The following ACSM3 variants were observed in gnomAD, a reference collection of about 807,000 sequenced individuals.
ACSM3 encodes the protein acyl-CoA synthetase medium chain family member 3, also known as acyl-coenzyme A synthetase ACSM3, mitochondrial.
Under a neutral mutation model 74.1 loss-of-function variants are expected in ACSM3, and 61 were observed. That is an observed-to-expected ratio of 0.82 (90% CI 0.67 to 1.02). The LOEUF (loss-of-function observed/expected upper bound fraction) is 1.02. ACSM3 is among the 50% of genes least tolerant of loss of function. The pLI, the probability that ACSM3 is intolerant of heterozygous loss-of-function variation, is 0.00. For synonymous variants in ACSM3, 213 were observed against 241.5 expected (o/e 0.88, Z 1.09); for missense variants, 660 against 697.0 (o/e 0.95, Z 0.60).
chr16:20,741,844 C>T, intron 1 of ACSM3: 3 of 1,536,996 alleles, frequency 2.0e-6, no homozygotes, highest in Non-Finnish European at 2.6e-6. Context: ...CGACGGCCTC[C>T]CCTAGCCGGC....
chr16:20,674,731 G>T (rs553016244), exon 1 of ACSM3: 1 of 152,284 alleles, frequency 6.6e-6, no homozygotes, highest in Non-Finnish European at 1.5e-5. Context: ...AGTTTCACCC[G>T]GATGGAGACT....
intron 1 of ACSM3, among the ~76,000 whole-genome samples, chr16:20,699,833 T>G (rs2079708454): frequency 6.6e-6 from 1 of 152,122 alleles, no homozygotes; most frequent in African/African-American, 2.4e-5. Context: ...TTTCCTCAAT[T>G]TTCTCATCTT....
intron 1 of ACSM3, chr16:20,680,001 AAG>A (rs2079406044): frequency 6.6e-6 from 1 of 152,216 alleles, no homozygotes; most frequent in Admixed American, 6.5e-5. Context: ...GGTGTAACAC[AAG>A]AGAGGCTTAG....
Position 20,797,548 on chromosome 16 carries a change from T to A in ACSM3, c.*576T>A. 1 of 1,231,822 alleles carries A rather than the reference T, an allele frequency of 8.1e-7. No homozygotes were observed. Among genetic ancestry groups the A allele is most frequent in the Non-Finnish European group, 1.0e-6 (1 of 985,440 alleles). The allele number at this position is 1,231,822 out of a possible 1,614,324, so 76.3% of individuals were successfully genotyped here. A position where few individuals can be genotyped will look rare whatever the true frequency, so the allele number is the denominator to read the frequency against. On this transcript the variant is annotated 3_prime_UTR_variant, in exon 14 of 14. Transcript: ENST00000289416. Reference sequence around the variant, plus strand: ...AGGATCATATACTATTGTTGCTTATTATATGTAATCTAATAAATACTGTTT... The same window carrying A: ...AGGATCATATACTATTGTTGCTTATAATATGTAATCTAATAAATACTGTTT...
At chr16:20,780,345 C>T in intron 4 of ACSM3, 1 of 385,632 alleles carries the variant, frequency 2.6e-6, no homozygotes, top group Non-Finnish European at 4.7e-6. Context: ...TTAAAGCATC[C>T]ATAGGGGAGG....
chr16:20,750,476 C>G (rs1031917230), intron 2 of ACSM3, among the ~76,000 whole-genome samples: 2 of 152,162 alleles, frequency 1.3e-5, no homozygotes, highest in Non-Finnish European at 2.9e-5. Context: ...ACACCCCCCT[C>G]TCTCTCGTTT....
At chr16:20,678,924 C>A (rs527724237) in intron 1 of ACSM3, among the ~76,000 whole-genome samples, 24 of 152,212 alleles carry the variant, frequency 1.6e-4, no homozygotes, top group African/African-American at 5.8e-4. Context: ...CGGCCACCCC[C>A]CATCATCTGT....
intron 1 of ACSM3, among the ~76,000 whole-genome samples, chr16:20,701,857 G>A (rs184673326): frequency 1.3e-5 from 2 of 152,184 alleles, no homozygotes; most frequent in Admixed American, 6.5e-5. Flanking sequence ...CCATGTCCCT[G>A]CAAAGGACAT....
intron 12 of ACSM3, chr16:20,796,017 A>C (rs1323320518): frequency 1.2e-5 from 2 of 171,838 alleles, no homozygotes; most frequent in Non-Finnish European, 2.5e-5. Flanking sequence ...AGAGCAACAA[A>C]AAAATAGCTG....
At chr16:20,778,664 T>C (rs775250136) in intron 4 of ACSM3, among the ~76,000 whole-genome samples, 20 of 152,324 alleles carry the variant, frequency 1.3e-4, no homozygotes, top group Non-Finnish European at 2.5e-4. Flanking sequence ...CTGTATGTAC[T>C]GCCTCTAGTA....
intron 1 of ACSM3, among the ~76,000 whole-genome samples, chr16:20,717,956 G>GAAGAAGAA (rs2079769244): frequency 1.3e-5 from 1 of 74,414 alleles, no homozygotes; most frequent in Non-Finnish European, 2.8e-5. Flanking sequence ...AAGAGGAAGA[G>GAAGAAGAA]GAAGAAGAAG....
chr16:20,769,412 A>G (rs2080164081), intron 1 of ACSM3, among the ~76,000 whole-genome samples: 1 of 152,240 alleles, frequency 6.6e-6, no homozygotes, highest in African/African-American at 2.4e-5. Context: ...ATGGGCCCCT[A>G]TTGAGAGCAT....
At chr16:20,678,175 A>G (rs1339387825) in intron 1 of ACSM3, among the ~76,000 whole-genome samples, 1 of 152,180 alleles carries the variant, frequency 6.6e-6, no homozygotes, top group South Asian at 2.1e-4. Flanking sequence ...TTGCCCAGAA[A>G]AATATCAACT....
chr16:20,682,523 C>T, intron 1 of ACSM3: 1 of 1,398,512 alleles, frequency 7.2e-7, no homozygotes, highest in Non-Finnish European at 1.0e-6. Flanking sequence ...GGGCTTTAGA[C>T]TTGGCTTGTC....
intron 1 of ACSM3, chr16:20,727,308 T>G: frequency 1.8e-6 from 1 of 565,546 alleles, no homozygotes. Context: ...CTCAGGTTCC[T>G]CTCAAAAAGG....
At chr16:20,717,606 C>A (rs148292374) in intron 1 of ACSM3, among the ~76,000 whole-genome samples, 2 of 152,124 alleles carry the variant, frequency 1.3e-5, no homozygotes, top group East Asian at 1.9e-4. Flanking sequence ...TTTAATAATA[C>A]AAGATGTCCT....
intron 1 of ACSM3, among the ~76,000 whole-genome samples, chr16:20,739,501 C>T (rs557953190): frequency 6.6e-6 from 1 of 152,084 alleles, no homozygotes; most frequent in East Asian, 1.9e-4. Context: ...GCTTTTTTTA[C>T]GAAGCTGGGA....
Position 20,780,999 on chromosome 16 carries a change from G to C in ACSM3, c.808G>C (p.Asp270His), listed in dbSNP as rs13306603. Residue 270 changes from aspartate (D) to histidine (H), a missense_variant, in exon 6 of 14, where the codon GAT becomes CAT. Asp to His is a moderately conservative substitution (Grantham distance 81, BLOSUM62 -1). Transcript: ENST00000289416. ...GRFWLDLTPS[D>H]VMWNTSDTGW... ...GTTCTGGCTAGATTTGACACCCTCA[G>C]ATGTGATGTGGAATACCTCAGATAC... The C allele has an allele frequency of 8.1e-4, 1,308 of 1,614,184 alleles. 12 individuals are homozygous for C. In the East Asian group the frequency reaches 0.011, roughly 13 times the overall value.
chr16:20,789,049 C>T (rs1596535002), intron 9 of ACSM3, among the ~76,000 whole-genome samples: 1 of 152,238 alleles, frequency 6.6e-6, no homozygotes, highest in Non-Finnish European at 1.5e-5. Context: ...TATATAAAAG[C>T]AGAATTTTGA....
Sources: gnomAD v4.1 joint callset for allele counts (sites outside exome capture counted in the v4.1 genomes callset) on GRCh38, gnomAD v4.1.1 for gene constraint, MANE v1.5 for transcripts, NCBI Gene and HGNC (gene_info 2026-07-23, HGNC 2026-07-21) for gene names.